FRMD4A: variants seen among roughly 807,000 people sequenced by gnomAD.
FRMD4A encodes FERM domain-containing protein 4A.
Under a neutral mutation model 129.1 loss-of-function variants are expected in FRMD4A, and 29 were observed. The observed-to-expected ratio is 0.22, with a 90% CI of 0.17 to 0.31. The LOEUF (loss-of-function observed/expected upper bound fraction) is 0.31, where lower values mean the gene tolerates loss of function less well. Among genes scored for constraint, FRMD4A ranks in the 10% least tolerant of loss-of-function variants. FRMD4A has a pLI of 1.00. For missense variants in FRMD4A, 1,272 were observed against 1,375.8 expected (o/e 0.92, Z 1.19); for synonymous variants, 634 against 571.6 (o/e 1.11, Z -1.56).
chr10:13,745,361 G>A (rs1020806345), intron 9 of FRMD4A, among the ~76,000 whole-genome samples: 21 of 152,054 alleles, frequency 1.4e-4, no homozygotes, highest in African/African-American at 4.6e-4. Context: ...TTTATACATC[G>A]TCTGGGCTGT....
At chr10:14,306,512 G>T (rs1262807589) in intron 2 of FRMD4A, among the ~76,000 whole-genome samples, 1 of 152,216 alleles carries the variant, frequency 6.6e-6, no homozygotes, top group African/African-American at 2.4e-5. Context: ...CAAGGTTATA[G>T]ACATTATAAT....
intron 2 of FRMD4A, among the ~76,000 whole-genome samples, chr10:14,187,109 G>A (rs1193346826): frequency 1.4e-5 from 2 of 139,898 alleles, no homozygotes; most frequent in Admixed American, 1.5e-4. Flanking sequence ...ACAGAGCAAG[G>A]CTCTGTCTCA....
chr10:13,701,513 T>C (rs754000767), intron 13 of FRMD4A, 35 bp from the exon 14 acceptor site: 1 of 1,596,770 alleles, frequency 6.3e-7, no homozygotes, highest in South Asian at 1.1e-5. Context: ...TCAATCCCAT[T>C]TCTGTTGAGA....
At position 14,048,854 on chromosome 10, in the gene FRMD4A, A is replaced by C. The variant is rs150782872; in HGVS notation, c.46-189942T>G. On this transcript the variant is annotated intron_variant, in intron 2 of 24. Transcript: ENST00000357447. ...ATAGAATAGAATAGAATAGAATAGA[A>C]TAGAATAGAATAGAATAGAATAGAA... is the stretch of plus-strand genomic sequence containing the variant. Among the ~76,000 whole-genome samples, 4 of 114,664 alleles carry C rather than the reference A, an allele frequency of 3.5e-5. No homozygotes were observed. The South Asian group carries it at 1.1e-3, about 31-fold the overall frequency. The allele number at this position is 114,664 out of a possible 152,430, so 75.2% of individuals were successfully genotyped here.
chr10:13,685,383 C>T (rs1171968795), intron 15 of FRMD4A: 5 of 984,538 alleles, frequency 5.1e-6, no homozygotes, highest in Non-Finnish European at 3.6e-6. Context: ...AAAAAAATAA[C>T]TGAACATTCA....
intron 2 of FRMD4A, among the ~76,000 whole-genome samples, chr10:14,114,216 T>C (rs1317186827): frequency 1.3e-5 from 2 of 152,198 alleles, no homozygotes; most frequent in African/African-American, 4.8e-5. Context: ...CAATTCCTTT[T>C]GGTTATTTTC....
intron 2 of FRMD4A, among the ~76,000 whole-genome samples, chr10:13,902,478 A>AGAGAGAGAGG (rs1027161235): frequency 1.3e-5 from 2 of 151,510 alleles, no homozygotes; most frequent in African/African-American, 4.9e-5. Flanking sequence ...AGAGAGAGAG[A>AGAGAGAGAGG]GAGAGAGAGA....
At chr10:14,224,535 T>A (rs1395280663) in intron 2 of FRMD4A, among the ~76,000 whole-genome samples, 1 of 152,222 alleles carries the variant, frequency 6.6e-6, no homozygotes, top group African/African-American at 2.4e-5. Context: ...GGGAAGCATT[T>A]TGGACAGTCA....
chr10:13,972,418 G>A, intron 2 of FRMD4A: 4 of 594,550 alleles, frequency 6.7e-6, no homozygotes, highest in Non-Finnish European at 8.5e-6. Flanking sequence ...TTCTTTGGAA[G>A]CGTCCCAAGT....
chr10:14,261,836 C>T (rs183209312), intron 2 of FRMD4A, among the ~76,000 whole-genome samples: 6 of 152,082 alleles, frequency 3.9e-5, no homozygotes, highest in African/African-American at 1.4e-4. Context: ...TCTCTTAATA[C>T]TTACTCTAGG....
chr10:13,818,574 T>C (rs2093582298), intron 3 of FRMD4A, among the ~76,000 whole-genome samples: 1 of 152,192 alleles, frequency 6.6e-6, no homozygotes, highest in East Asian at 1.9e-4. Context: ...GAACACCATC[T>C]GCATCCTTCA....
intron 16 of FRMD4A, among the ~76,000 whole-genome samples, chr10:13,672,757 C>T (rs896754104): frequency 2.0e-5 from 3 of 152,104 alleles, no homozygotes; most frequent in African/African-American, 4.8e-5. Context: ...TCAAGCAGCG[C>T]GTCTTGATAC....
chr10:13,932,371 T>C (rs917022704), intron 2 of FRMD4A, among the ~76,000 whole-genome samples: 1 of 152,222 alleles, frequency 6.6e-6, no homozygotes, highest in African/African-American at 2.4e-5. Context: ...CTGCTTCTCA[T>C]AGACAGTGTC....
intron 18 of FRMD4A, among the ~76,000 whole-genome samples, chr10:13,663,783 G>C (rs766539993): frequency 2.0e-5 from 3 of 152,212 alleles, no homozygotes; most frequent in African/African-American, 4.8e-5. Context: ...GCAATGCAGA[G>C]TGGCTTCATA....
At chr10:13,677,888 G>T (rs568285604) in intron 15 of FRMD4A, among the ~76,000 whole-genome samples, 1 of 152,254 alleles carries the variant, frequency 6.6e-6, no homozygotes, top group East Asian at 1.9e-4. Context: ...AGAGAAACTT[G>T]GGTCCAAGAA....
At chr10:13,771,498 C>T (rs73593011) in intron 6 of FRMD4A, among the ~76,000 whole-genome samples, 3,861 of 152,240 alleles carry the variant, frequency 0.025, 87 homozygotes, top group African/African-American at 0.053. Flanking sequence ...CAACAAAACT[C>T]GGTGATTTCT....
intron 2 of FRMD4A, among the ~76,000 whole-genome samples, chr10:14,259,095 A>T (rs1222640228): frequency 6.6e-6 from 1 of 152,192 alleles, no homozygotes; most frequent in Non-Finnish European, 1.5e-5. Flanking sequence ...GGTCTAATAC[A>T]TATGCCAAAA....
chr10:14,263,469 G>T (rs1844874805), intron 2 of FRMD4A, among the ~76,000 whole-genome samples: 1 of 152,122 alleles, frequency 6.6e-6, no homozygotes, highest in Non-Finnish European at 1.5e-5. Context: ...CATTCCACGT[G>T]CTCTGAGACC....
At chr10:14,084,345 C>T (rs1375699895) in intron 2 of FRMD4A, among the ~76,000 whole-genome samples, 1 of 152,168 alleles carries the variant, frequency 6.6e-6, no homozygotes, top group Non-Finnish European at 1.5e-5. Flanking sequence ...CGGGGTTTCA[C>T]CATGTTGGTC....
Sources: gnomAD v4.1 joint callset for allele counts (sites outside exome capture counted in the v4.1 genomes callset) on GRCh38, gnomAD v4.1.1 for gene constraint, MANE v1.5 for transcripts, NCBI Gene and HGNC (gene_info 2026-07-23, HGNC 2026-07-21) for gene names.